Variants in WDPCP observed in about 807,000 individuals in gnomAD.
WDPCP encodes WD repeat containing planar cell polarity effector, also known as WD repeat-containing and planar cell polarity effector protein fritz homolog.
In WDPCP, 71 loss-of-function variants were observed where a neutral mutation model predicts 93.1. The ratio of observed to expected loss-of-function variants is 0.76; its 90% CI spans 0.63 to 0.93. The LOEUF (loss-of-function observed/expected upper bound fraction) is 0.93. WDPCP is among the 40% of genes least tolerant of loss of function. WDPCP has a pLI of 0.00. For synonymous variants in WDPCP, 315 were observed against 315.0 expected (o/e 1.00, Z 0.00); for missense variants, 844 against 887.4 (o/e 0.95, Z 0.62).
intron 12 of WDPCP, among the ~76,000 whole-genome samples, chr2:63,360,515 C>G (rs968068842): frequency 6.6e-6 from 1 of 152,176 alleles, no homozygotes; most frequent in South Asian, 2.1e-4. Flanking sequence ...ACAGAGATTT[C>G]TCTTAGACAT....
intron 2 of WDPCP, among the ~76,000 whole-genome samples, chr2:63,727,861 T>C (rs1669512068): frequency 1.3e-5 from 2 of 152,328 alleles, no homozygotes; most frequent in East Asian, 1.9e-4. Context: ...ATAGTGGCAC[T>C]GTCCCCTTTG....
At chr2:63,527,175 T>G (rs1229225620) in intron 1 of WDPCP, among the ~76,000 whole-genome samples, 2 of 151,972 alleles carry the variant, frequency 1.3e-5, no homozygotes, top group Non-Finnish European at 2.9e-5. Context: ...TAGCAAGCAG[T>G]CTTAGAAAAT....
At chr2:63,714,165 TC>T (rs1159745853) in intron 2 of WDPCP, among the ~76,000 whole-genome samples, 1 of 151,694 alleles carries the variant, frequency 6.6e-6, no homozygotes, top group Non-Finnish European at 1.5e-5. Flanking sequence ...AAGTGATTCT[TC>T]CGCCTGAGCC....
chr2:63,264,162 T>C (rs1681896484), intron 13 of WDPCP, among the ~76,000 whole-genome samples: 1 of 152,238 alleles, frequency 6.6e-6, no homozygotes, highest in Non-Finnish European at 1.5e-5. Context: ...TAGTGGACTA[T>C]GTTACTATAT....
chr2:63,361,197 TA>T (rs1451704242), intron 12 of WDPCP, among the ~76,000 whole-genome samples: 1 of 152,108 alleles, frequency 6.6e-6, no homozygotes, highest in Non-Finnish European at 1.5e-5. Context: ...TCACTGGAAA[TA>T]AAATGCATAA....
intron 15 of WDPCP, among the ~76,000 whole-genome samples, chr2:63,171,736 G>A (rs1432030619): frequency 6.6e-6 from 1 of 152,172 alleles, no homozygotes; most frequent in Non-Finnish European, 1.5e-5. Flanking sequence ...AAACTTAAAT[G>A]TGAATGTTTA....
chr2:63,706,600 C>CTTTT (rs896018299), intron 2 of WDPCP, among the ~76,000 whole-genome samples: 12 of 61,700 alleles, frequency 1.9e-4, no homozygotes, highest in African/African-American at 2.4e-4. Context: ...AAATTCTTTT[C>CTTTT]TTTTTTTTTT....
chr2:63,216,926 T>A (rs1035253489), intron 14 of WDPCP, among the ~76,000 whole-genome samples: 33 of 152,172 alleles, frequency 2.2e-4, no homozygotes, highest in African/African-American at 8.0e-4. Flanking sequence ...AGAAATATTT[T>A]AAATGGCATT....
At chr2:63,442,148 A>G (rs1373046425) in intron 6 of WDPCP, 4 of 152,144 alleles carry the variant, frequency 2.6e-5, no homozygotes, top group Non-Finnish European at 4.4e-5. Flanking sequence ...TTCAAGGATA[A>G]TAACACAGTG....
intron 17 of WDPCP, among the ~76,000 whole-genome samples, chr2:63,125,114 AG>A (rs1399940806): frequency 1.3e-5 from 2 of 152,230 alleles, no homozygotes; most frequent in Non-Finnish European, 2.9e-5. Context: ...TATCATATAT[AG>A]GTTTCTTTTT....
At chr2:63,248,069 C>A (rs1184295578) in intron 14 of WDPCP, among the ~76,000 whole-genome samples, 3 of 152,076 alleles carry the variant, frequency 2.0e-5, no homozygotes, top group Non-Finnish European at 4.4e-5. Context: ...CTTTGTTATT[C>A]ATGTCACAAA....
Position 63,241,010 on chromosome 2 carries a change from A to G in WDPCP, c.1915+18297T>C, listed in dbSNP as rs142513650. On this transcript the variant is annotated intron_variant, in intron 14 of 17. Transcript: ENST00000272321. ...GGAAAGTTTCCATCTGAAAATAACT[A>G]ATTTAGAGAAAATCCATACTTATTC... 5.9e-3 allele frequency among the ~76,000 whole-genome samples: 904 copies of G among 152,334 alleles called. 8 individuals carry two copies. The highest frequency in any genetic ancestry group is 0.029 in the South Asian group (142 of 4,832).
chr2:63,720,285 T>C (rs1386895432), intron 2 of WDPCP, among the ~76,000 whole-genome samples: 1 of 150,776 alleles, frequency 6.6e-6, no homozygotes, highest in Non-Finnish European at 1.5e-5. Context: ...GGTATGGCGG[T>C]GTGCGCCTGT....
At chr2:63,392,314 G>A (rs1693327499) in intron 10 of WDPCP, among the ~76,000 whole-genome samples, 1 of 152,190 alleles carries the variant, frequency 6.6e-6, no homozygotes, top group South Asian at 2.1e-4. Context: ...AAATGGTGCT[G>A]GGAAAACTGG....
chr2:63,430,168 T>G (rs546017283), intron 9 of WDPCP, among the ~76,000 whole-genome samples: 2 of 152,162 alleles, frequency 1.3e-5, no homozygotes, highest in African/African-American at 4.8e-5. Flanking sequence ...AGCTAAACAC[T>G]GGGTATACAC....
intron 1 of WDPCP, among the ~76,000 whole-genome samples, chr2:63,527,812 T>C (rs1307842494): frequency 1.3e-5 from 2 of 152,134 alleles, no homozygotes; most frequent in African/African-American, 2.4e-5. Context: ...TCCACAGTGG[T>C]TGAACTAGTT....
At chr2:63,574,523 T>C (rs1033759646) in intron 1 of WDPCP, among the ~76,000 whole-genome samples, 1 of 152,208 alleles carries the variant, frequency 6.6e-6, no homozygotes, top group East Asian at 1.9e-4. Context: ...AACATCATTT[T>C]ATTCATTTAT....
At chr2:63,721,540 A>T (rs1359905568) in intron 2 of WDPCP, among the ~76,000 whole-genome samples, 1 of 152,180 alleles carries the variant, frequency 6.6e-6, no homozygotes, top group Non-Finnish European at 1.5e-5. Flanking sequence ...TTTTTAAAAA[A>T]ATATAAATAA....
At chr2:63,586,865 G>A (rs1353514278) in intron 1 of WDPCP, among the ~76,000 whole-genome samples, 1 of 152,174 alleles carries the variant, frequency 6.6e-6, no homozygotes, top group Non-Finnish European at 1.5e-5. Flanking sequence ...GTAAATCGAG[G>A]ACAAAAATCA....
Sources: allele counts gnomAD v4.1 joint callset (sites outside exome capture counted in the v4.1 genomes callset), GRCh38; gene constraint gnomAD v4.1.1; transcripts MANE v1.5; gene names NCBI Gene and HGNC (gene_info 2026-07-23, HGNC 2026-07-21).